The following DAB1 variants were observed in gnomAD, a reference collection of about 807,000 sequenced individuals.
The protein encoded by DAB1 is disabled homolog 1.
DAB1 carries 15 observed loss-of-function variants against 64.6 expected under a neutral mutation model. That is an observed-to-expected ratio of 0.23 (90% CI 0.16 to 0.36). DAB1 has a LOEUF of 0.36. DAB1 is among the 10% of genes least tolerant of loss of function. The pLI is 1.00. For synonymous variants in DAB1, 235 were observed against 251.9 expected, an observed-to-expected ratio of 0.93 and a Z score of 0.64; for missense variants, 596 against 706.7, an observed-to-expected ratio of 0.84 and a Z score of 1.78.
At chr1:57,064,448 A>C (rs1650708259) in intron 8 of DAB1, among the ~76,000 whole-genome samples, 1 of 152,188 alleles carries the variant, frequency 6.6e-6, no homozygotes, top group African/African-American at 2.4e-5. Context: ...TGTCTTACAT[A>C]CATTCTCATG....
At chr1:58,217,040 G>A (rs1658893916) in intron 4 of DAB1, among the ~76,000 whole-genome samples, 1 of 152,218 alleles carries the variant, frequency 6.6e-6, no homozygotes, top group Non-Finnish European at 1.5e-5. Context: ...GACTAGAATT[G>A]AAGTGTGATC....
intron 2 of DAB1, among the ~76,000 whole-genome samples, chr1:57,214,771 C>T (rs552673622): frequency 5.0e-4 from 76 of 151,750 alleles, no homozygotes; most frequent in African/African-American, 1.7e-3. Flanking sequence ...ATTAGCCAGA[C>T]GTGGTGGCGG....
chr1:57,020,414 A>G (rs776232157), intron 11 of DAB1, among the ~76,000 whole-genome samples: 52 of 152,194 alleles, frequency 3.4e-4, no homozygotes, highest in Non-Finnish European at 4.7e-4. Context: ...TAGAATTATG[A>G]TCATCCCCAT....
At chr1:58,544,170 T>C (rs983803495) in intron 1 of DAB1, among the ~76,000 whole-genome samples, 1 of 152,238 alleles carries the variant, frequency 6.6e-6, no homozygotes, top group Non-Finnish European at 1.5e-5. Flanking sequence ...GTGAAATTTA[T>C]CAATTTTTAA....
At chr1:57,389,608 A>C (rs1682175605) in intron 1 of DAB1, among the ~76,000 whole-genome samples, 1 of 152,176 alleles carries the variant, frequency 6.6e-6, no homozygotes, top group African/African-American at 2.4e-5. Context: ...CAACTCAACA[A>C]AAGAAATGAA....
intron 2 of DAB1, among the ~76,000 whole-genome samples, chr1:57,236,853 G>A (rs189802436): frequency 2.6e-4 from 39 of 152,310 alleles, no homozygotes; most frequent in Admixed American, 1.1e-3. Context: ...TGCGGAGGAG[G>A]CAGAGTCACA....
chr1:57,537,378 A>G (rs1204332231), intron 7 of DAB1, among the ~76,000 whole-genome samples: 1 of 152,184 alleles, frequency 6.6e-6, no homozygotes, highest in African/African-American at 2.4e-5. Context: ...TCTTCAGGTT[A>G]TCCAACGGCT....
chr1:57,380,428 A>C (rs1346736103), intron 1 of DAB1, among the ~76,000 whole-genome samples: 1 of 152,210 alleles, frequency 6.6e-6, no homozygotes, highest in African/African-American at 2.4e-5. Flanking sequence ...ATCAGATACT[A>C]CTTTGTACTT....
chr1:57,528,297 A>G (rs781568760), intron 7 of DAB1, among the ~76,000 whole-genome samples: 9 of 152,148 alleles, frequency 5.9e-5, no homozygotes, highest in Non-Finnish European at 1.2e-4. Context: ...ATTAGTGAAC[A>G]TGAGTAGAGG....
intron 5 of DAB1, among the ~76,000 whole-genome samples, chr1:57,943,865 T>C (rs993887844): frequency 2.0e-5 from 3 of 152,024 alleles, no homozygotes; most frequent in Admixed American, 1.3e-4. Flanking sequence ...ATGCACAGCA[T>C]GGGAGAAAGG....
At chr1:57,441,919 C>A (rs752480298) in intron 7 of DAB1, among the ~76,000 whole-genome samples, 3 of 152,166 alleles carry the variant, frequency 2.0e-5, no homozygotes, top group Non-Finnish European at 4.4e-5. Context: ...TAAGTGTTCC[C>A]TTTACTCCAC....
At chr1:58,203,038 T>C (rs2100268844) in intron 4 of DAB1, among the ~76,000 whole-genome samples, 1 of 152,168 alleles carries the variant, frequency 6.6e-6, no homozygotes, top group South Asian at 2.1e-4. Context: ...TGTGCTGGAG[T>C]CTTGGAAATT....
chr1:57,553,408 AAG>A (rs149148166), intron 7 of DAB1, among the ~76,000 whole-genome samples: 615 of 15,030 alleles, frequency 0.041, 37 homozygotes, highest in African/African-American at 0.05. Context: ...GAAAGAAAGA[AAG>A]AAAGAAAGAA....
At chr1:57,529,496 A>G (rs1644636079) in intron 7 of DAB1, among the ~76,000 whole-genome samples, 1 of 152,152 alleles carries the variant, frequency 6.6e-6, no homozygotes, top group Non-Finnish European at 1.5e-5. Context: ...CCCTTGAAAT[A>G]CAAAAACACA....
intron 7 of DAB1, among the ~76,000 whole-genome samples, chr1:57,471,560 T>C (rs987271482): frequency 6.6e-6 from 1 of 152,136 alleles, no homozygotes; most frequent in South Asian, 2.1e-4. Context: ...TGGGGACAGG[T>C]CTTTTCCATG....
intron 7 of DAB1, among the ~76,000 whole-genome samples, chr1:57,487,431 C>T (rs527584944): frequency 2.0e-5 from 3 of 152,328 alleles, no homozygotes; most frequent in East Asian, 1.9e-4. Flanking sequence ...TCCTTCACCA[C>T]GTGTGGCCCT....
At chr1:57,022,569 C>T (rs977719608) in intron 11 of DAB1, among the ~76,000 whole-genome samples, 1 of 152,180 alleles carries the variant, frequency 6.6e-6, no homozygotes, top group Non-Finnish European at 1.5e-5. Flanking sequence ...ACAGGGTATG[C>T]ATTTTTAATT....
rs149630430 is a variant in DAB1, at chr1:57,928,078, G to A, written n.388-43916C>T. 5.1e-3 allele frequency among the ~76,000 whole-genome samples: 769 copies of A among 151,758 alleles called. 10 individuals are homozygous for A. Among genetic ancestry groups the A allele is most frequent in the African/African-American group, 0.018 (734 of 41,376 alleles). ...TGTTTCCAGTTTTCTTTTCTTTTGA[G>A]GTAAAAGTTATATACAATGAAATGC... On this transcript the variant is annotated intron_variant and non_coding_transcript_variant, in intron 5 of 20. Transcript: ENST00000485760.
chr1:57,332,811 G>A (rs992848487), intron 1 of DAB1, among the ~76,000 whole-genome samples: 1 of 152,164 alleles, frequency 6.6e-6, no homozygotes, highest in Admixed American at 6.5e-5. Context: ...TATGGAAGTT[G>A]GAGTAAAGTC....
Sources: allele counts gnomAD v4.1 joint callset (sites outside exome capture counted in the v4.1 genomes callset), GRCh38; gene constraint gnomAD v4.1.1; transcripts MANE v1.5; gene names NCBI Gene and HGNC (gene_info 2026-07-23, HGNC 2026-07-21).